The following OTOG variants were observed in gnomAD, a reference collection of about 807,000 sequenced individuals.
OTOG encodes the protein otogelin.
In OTOG, 296 loss-of-function variants were observed where a neutral mutation model predicts 313.8. The ratio of observed to expected loss-of-function variants is 0.94; its 90% CI spans 0.86 to 1.04. The LOEUF is 1.04. Ranked by LOEUF, OTOG falls within the 50% of genes least tolerant of loss-of-function variation. The pLI, the probability that OTOG is intolerant of heterozygous loss-of-function variation, is 0.00. For missense variants in OTOG, 3,948 were observed against 3,840.1 expected, an observed-to-expected ratio of 1.03 and a Z score of -0.74; for synonymous variants, 1,533 against 1,554.9, an observed-to-expected ratio of 0.99 and a Z score of 0.33.
At chr11:17,558,775 C>A in intron 10 of OTOG, 131 bp downstream of exon 10, 1 of 1,031,944 alleles carries the variant, frequency 9.7e-7, no homozygotes, top group Non-Finnish European at 1.4e-6. Context: ...TTCTTATCTG[C>A]CTAGGTGGGA....
rs900590579 is a variant in OTOG, at chr11:17,629,125, C to A, written c.6529-8C>A. The A allele has an allele frequency of 1.9e-6, 3 of 1,549,370 alleles. No homozygotes were observed. The highest frequency in any genetic ancestry group is 1.4e-5 in the African/African-American group (1 of 73,016). On this transcript the variant is annotated splice_polypyrimidine_tract_variant and splice_region_variant and intron_variant, in intron 39 of 55. Coordinates refer to ENST00000399397, the MANE Select transcript of OTOG (RefSeq NM_001292063.2). Reference sequence around the variant, plus strand: ...ACAAGCTGTGCTCACACTGAATTCCCTCCCAAGGTGACTGTGGACTTGCAG... The same window carrying A: ...ACAAGCTGTGCTCACACTGAATTCCATCCCAAGGTGACTGTGGACTTGCAG...
Position 17,621,876 on chromosome 11 carries a change from A to T in OTOG, c.6529-7257A>T, listed in dbSNP as rs147206375. 3.3e-5 allele frequency among the ~76,000 whole-genome samples: 5 copies of T among 152,314 alleles called. No homozygotes were observed. In the East Asian group the frequency reaches 9.6e-4, roughly 29 times the overall value. On this transcript the variant is annotated intron_variant, in intron 39 of 55. Coordinates refer to ENST00000399397, the MANE Select transcript of OTOG (RefSeq NM_001292063.2). ...ATATATTTTGTCAGTTTGTTTGATC[A>T]TTTAAGGCAAGAGGGTAAATCCAGT...
chr11:17,559,189 G>T (rs148294927), intron 11 of OTOG, 28 bp downstream of exon 11: 25,677 of 1,488,206 alleles, frequency 0.017, 286 homozygotes, highest in Non-Finnish European at 0.021. Flanking sequence ...GTGGGGCAGG[G>T]AGGCCTTCAG....
chr11:17,548,848 G>C (rs1423927350), intron 3 of OTOG, among the ~76,000 whole-genome samples: 1 of 152,066 alleles, frequency 6.6e-6, no homozygotes, highest in African/African-American at 2.4e-5. Flanking sequence ...TACCTGAGTA[G>C]CTAGGACTAT....
chr11:17,578,795 CTG>C (rs1345031890), intron 23 of OTOG, among the ~76,000 whole-genome samples: 2 of 152,158 alleles, frequency 1.3e-5, no homozygotes, highest in Admixed American at 6.5e-5. Context: ...TAACAGGCTA[CTG>C]TGAGGAATCA....
chr11:17,629,797 A>C (rs1339175918), intron 40 of OTOG, among the ~76,000 whole-genome samples: 1 of 152,210 alleles, frequency 6.6e-6, no homozygotes, highest in Non-Finnish European at 1.5e-5. Flanking sequence ...TCTTCAGACC[A>C]TAGCACAATT....
chr11:17,608,881 G>T (rs1416452845), intron 34 of OTOG, among the ~76,000 whole-genome samples: 1 of 152,186 alleles, frequency 6.6e-6, no homozygotes, highest in Non-Finnish European at 1.5e-5. Context: ...CCTTGCTCGT[G>T]TGTGTGTTTC....
Position 17,608,403 on chromosome 11 carries a change from G to C in OTOG, c.4264G>C (p.Asp1422His), listed in dbSNP as rs771794818. ...CRDPRAASCRDVPRVEGCVPV... is the reference protein window; with the variant it reads ...CRDPRAASCRHVPRVEGCVPV... ...GGACCCACGGGCAGCCAGCTGCCGG[G>C]ACGTACCCAGGTGAGATGCCAGGGG... The change falls in exon 34 of 56, where the codon GAC becomes CAC. Residue 1422 changes from aspartate (D) to histidine (H), a missense_variant. Transcript: ENST00000399397. 5 of 1,540,616 alleles carry C rather than the reference G, an allele frequency of 3.2e-6. No homozygotes were observed. The Admixed American group carries it at 6.0e-5, about 19-fold the overall frequency.
intron 38 of OTOG, among the ~76,000 whole-genome samples, chr11:17,613,374 C>CCTTCCTTCCTTCCCTCCCTCCT (rs1565119211): frequency 1.1e-4 from 8 of 74,714 alleles, no homozygotes; most frequent in African/African-American, 3.7e-4. Context: ...CCTTCCTTCC[C>CCTTCCTTCCTTCCCTCCCTCCT]TCCTTCCTTC....
Position 17,576,593 on chromosome 11 carries a change from C to A in OTOG, c.2524C>A (p.Pro842Thr), listed in dbSNP as rs982954518. 8 of 1,550,106 alleles carry A rather than the reference C, an allele frequency of 5.2e-6. No individual in the cohort carries two copies. The highest frequency in any genetic ancestry group is 7.0e-6 in the Non-Finnish European group (8 of 1,146,658). ...CSCHFQGVDY[P>T]PGDSDIPSLG... Reference sequence around the variant, plus strand: ...CTGCCACTTCCAGGGAGTGGACTATCCCCCCGGAGACAGTGACATCCCATC... The same window carrying A: ...CTGCCACTTCCAGGGAGTGGACTATACCCCCGGAGACAGTGACATCCCATC... The change falls in exon 21 of 56, where the codon CCC becomes ACC. Residue 842 changes from proline to threonine, a missense_variant. Transcript: ENST00000399397.
rs4491195 is a variant in OTOG, at chr11:17,608,299, C to T, written c.4160C>T (p.Ala1387Val). 4 of 1,526,604 alleles carry T rather than the reference C, an allele frequency of 2.6e-6. No individual in the cohort carries two copies. Among genetic ancestry groups the T allele is most frequent in the Non-Finnish European group, 3.5e-6 (4 of 1,135,644 alleles). The allele number at this position is 1,526,604 out of a possible 1,614,324, so 94.6% of individuals were successfully genotyped here. Residue 1387 changes from alanine to valine, a missense_variant, in exon 34 of 56, where the codon GCC becomes GTC. Physicochemically the swap from Ala to Val is moderately conservative, Grantham distance 64. Coordinates refer to ENST00000399397, the MANE Select transcript of OTOG (RefSeq NM_001292063.2). ...RRGTLFRLLD[A>V]KPSGAAYPIC... is the part of the protein sequence containing the mutation. ...GCTGCCCCATCTCACTTTCTAGATGCCAAGCCCTCGGGGGCTGCCTACCCC... is the reference window on the plus strand; with the variant it reads ...GCTGCCCCATCTCACTTTCTAGATGTCAAGCCCTCGGGGGCTGCCTACCCC...
rs542478932 is a variant in OTOG, at chr11:17,635,622, G to C, written c.7706G>C (p.Cys2569Ser). 2.1e-5 allele frequency: 33 copies of C among 1,550,452 alleles called. No homozygotes were observed. The highest frequency in any genetic ancestry group is 2.6e-5 in the Non-Finnish European group (30 of 1,146,894). Residue 2569 changes from cysteine (C) to serine (S), a missense_variant, in exon 47 of 56, where the codon TGT (cysteine) becomes TCT (serine). Cys to Ser is a moderately radical substitution (Grantham distance 112). Transcript: ENST00000399397. ...CTSYFCACGD[C>S]PDSIPECQEG... ...TCTTCCCCCTCAGCCTGTGGTGACTGTCCAGACTCCATCCCCGAATGTCAA... is the reference window on the plus strand; with the variant it reads ...TCTTCCCCCTCAGCCTGTGGTGACTCTCCAGACTCCATCCCCGAATGTCAA...
In OTOG at chr11:17,612,658, T is replaced by C; in HGVS notation, c.6331T>C (p.Phe2111Leu). 1 of 1,550,584 alleles carries C rather than the reference T, an allele frequency of 6.4e-7. No individual in the cohort carries two copies. Among genetic ancestry groups the C allele is most frequent in the Non-Finnish European group, 8.7e-7 (1 of 1,146,972 alleles). The change falls in exon 38 of 56, where the codon TTC (phenylalanine) becomes CTC (leucine). Residue 2111 changes from phenylalanine (F) to leucine (L), a missense_variant. Phe to Leu is a conservative substitution (Grantham distance 22). Coordinates refer to ENST00000399397, the MANE Select transcript of OTOG (RefSeq NM_001292063.2). ...CTTCCCTGACCTGAGCTTCGTGACC[T>C]TCGATGGGAGCCACGTAGCTCTGTT... ...SIFPDLSFVT[F>L]DGSHVALFKE... is the part of the protein sequence containing the mutation.
chr11:17,601,567 A>G (rs1853250546), intron 31 of OTOG, among the ~76,000 whole-genome samples: 1 of 142,764 alleles, frequency 7.0e-6, no homozygotes, highest in Non-Finnish European at 1.5e-5. Context: ...CCTGAGGGCC[A>G]TGGAGAGCCA....
chr11:17,631,536 T>C (rs1854125981), intron 40 of OTOG, among the ~76,000 whole-genome samples, 166 bp from the exon 41 acceptor site: 1 of 152,224 alleles, frequency 6.6e-6, no homozygotes, highest in Non-Finnish European at 1.5e-5. Flanking sequence ...CATTTTCTTT[T>C]GTAGCAGGTT....
chr11:17,610,181 C>T lies in OTOG; in HGVS notation c.4881C>T (p.Ser1627=), dbSNP rs1171469922. The change falls in exon 36 of 56, where the codon TCC becomes TCT. Residue 1627 remains serine (S), a synonymous_variant. Coordinates refer to ENST00000399397, the MANE Select transcript of OTOG (RefSeq NM_001292063.2). Reference sequence around the variant, plus strand: ...CTGTGACAGTCCGAGGCCATGGCTCCTTGCCTGTTAGGACGACACCCCCAC... The same window carrying T: ...CTGTGACAGTCCGAGGCCATGGCTCTTTGCCTGTTAGGACGACACCCCCAC... ...TKAVTVRGHG[S]LPVRTTPPQP... is the part of the protein sequence containing the mutation. 3 of 1,550,630 alleles carry T rather than the reference C, an allele frequency of 1.9e-6. No individual in the cohort carries two copies. Among genetic ancestry groups the T allele is most frequent in the Non-Finnish European group, 2.6e-6 (3 of 1,146,962 alleles).
intron 39 of OTOG, among the ~76,000 whole-genome samples, chr11:17,619,314 T>A (rs1565121690): frequency 6.6e-6 from 1 of 152,122 alleles, no homozygotes; most frequent in African/African-American, 2.4e-5. Flanking sequence ...TTGCAGGGGG[T>A]AAATAGTTGA....
At chr11:17,635,326 G>C (rs1263609198) in intron 46 of OTOG, 139 bp downstream of exon 46, 2 of 707,072 alleles carry the variant, frequency 2.8e-6, no homozygotes, top group African/African-American at 3.6e-5. Context: ...CAAGCTCACT[G>C]TCCAGGAAAC....
chr11:17,602,818 C>G (rs957326770), intron 32 of OTOG, among the ~76,000 whole-genome samples: 11 of 152,260 alleles, frequency 7.2e-5, no homozygotes, highest in African/African-American at 2.6e-4. Context: ...GAGCCAGGTA[C>G]TGGGAAATCA....
Sources: allele counts gnomAD v4.1 joint callset (sites outside exome capture counted in the v4.1 genomes callset), GRCh38; gene constraint gnomAD v4.1.1; transcripts MANE v1.5; gene names NCBI Gene and HGNC (gene_info 2026-07-23, HGNC 2026-07-21).